Variants in TRMT11 observed in about 807,000 individuals in gnomAD.
TRMT11 encodes tRNA (guanine(10)-N(2))-methyltransferase TRMT11.
Under a neutral mutation model 62.8 loss-of-function variants are expected in TRMT11, and 53 were observed. That is an observed-to-expected ratio of 0.84 (90% CI 0.68 to 1.06). TRMT11 has a LOEUF of 1.06. Among genes scored for constraint, TRMT11 ranks in the 50% least tolerant of loss-of-function variants. The pLI, the probability that TRMT11 is intolerant of heterozygous loss-of-function variation, is 0.00. For missense variants in TRMT11, 556 were observed against 553.4 expected (o/e 1.00, Z -0.05); for synonymous variants, 188 against 190.3 (o/e 0.99, Z 0.10).
At chr6:126,034,397 A>G (rs1774787894) in intron 12 of TRMT11, among the ~76,000 whole-genome samples, 3 of 152,114 alleles carry the variant, frequency 2.0e-5, no homozygotes, top group Admixed American at 6.6e-5. Flanking sequence ...AATGTTTACA[A>G]TTGCTGATTG....
chr6:126,037,967 A>G (rs1303330767), intron 12 of TRMT11, among the ~76,000 whole-genome samples: 2 of 152,042 alleles, frequency 1.3e-5, no homozygotes, highest in African/African-American at 4.8e-5. Flanking sequence ...TGGGAAATGA[A>G]ATTTTATGTC....
chr6:126,161,015 CTG>C (rs1045491918), intron 21 of TRMT11, among the ~76,000 whole-genome samples: 2 of 152,146 alleles, frequency 1.3e-5, no homozygotes, highest in Non-Finnish European at 2.9e-5. Flanking sequence ...AAAACTTAAT[CTG>C]TGGCACACAT....
intron 17 of TRMT11, among the ~76,000 whole-genome samples, chr6:126,086,981 C>T (rs1777223595): frequency 6.6e-6 from 1 of 152,110 alleles, no homozygotes; most frequent in South Asian, 2.1e-4. Flanking sequence ...TTATATTTTT[C>T]TACTGCTTTC....
chr6:126,148,957 T>C (rs879755379), intron 21 of TRMT11, among the ~76,000 whole-genome samples: 1 of 152,248 alleles, frequency 6.6e-6, no homozygotes, highest in African/African-American at 2.4e-5. Context: ...TACAGACAGA[T>C]GCTATAAACT....
intron 21 of TRMT11, among the ~76,000 whole-genome samples, chr6:126,147,520 A>G (rs1353529076): frequency 1.3e-5 from 2 of 152,204 alleles, no homozygotes; most frequent in Admixed American, 6.5e-5. Context: ...CATTCCACGA[A>G]CCAGGAAACA....
chr6:126,006,184 C>T (rs115641936), intron 7 of TRMT11, among the ~76,000 whole-genome samples: 1 of 151,890 alleles, frequency 6.6e-6, no homozygotes, highest in African/African-American at 2.4e-5. Flanking sequence ...TAGTAGGAGT[C>T]CCATTGTCTA....
intron 21 of TRMT11, among the ~76,000 whole-genome samples, chr6:126,141,472 T>C (rs1187913585): frequency 6.6e-6 from 1 of 152,152 alleles, no homozygotes; most frequent in African/African-American, 2.4e-5. Flanking sequence ...CATTCAAGCA[T>C]GAATATATAG....
chr6:126,020,350 C>G (rs1795639785), intron 11 of TRMT11, among the ~76,000 whole-genome samples: 1 of 152,194 alleles, frequency 6.6e-6, no homozygotes, highest in Non-Finnish European at 1.5e-5. Flanking sequence ...GCTGTTCTTT[C>G]ACATTCTGTT....
At chr6:126,023,419 G>A (rs908485595) in intron 12 of TRMT11, among the ~76,000 whole-genome samples, 1 of 152,182 alleles carries the variant, frequency 6.6e-6, no homozygotes, top group Non-Finnish European at 1.5e-5. Flanking sequence ...GGAGGCCGAG[G>A]TGGGCAGATC....
rs114745464 is a variant in TRMT11 at position 126,123,602 on chromosome 6, G to C, written c.*1823+7747G>C. Among the ~76,000 whole-genome samples the C allele has an allele frequency of 6.6e-5, 10 of 152,020 alleles. 1 individual carries two copies. The highest frequency in any genetic ancestry group is 5.8e-4 in the East Asian group (3 of 5,160). On this transcript the variant is annotated intron_variant and NMD_transcript_variant, in intron 21 of 22. Transcript: ENST00000648977. The stretch of plus-strand genomic sequence containing the variant: ...TAGTGGACTATCTCTGTTTTCAGAT[G>C]TAATTCCTACCTCTATTTGCAACAT...
At chr6:126,184,136 T>A (rs1778500105) in intron 1 of TRMT11, among the ~76,000 whole-genome samples, 1 of 152,180 alleles carries the variant, frequency 6.6e-6, no homozygotes, top group South Asian at 2.1e-4. Flanking sequence ...AATATGAGAC[T>A]CAGAACTGTG....
chr6:126,262,121 T>C, the TRMT11 span, among the ~76,000 whole-genome samples: 1 of 152,206 alleles, frequency 6.6e-6, no homozygotes. Context: ...TGCAGCAGTA[T>C]GTGTGCAAGG....
chr6:126,267,861 C>T, the TRMT11 span, among the ~76,000 whole-genome samples: 2 of 152,102 alleles, frequency 1.3e-5, no homozygotes, highest in Non-Finnish European at 2.9e-5. Flanking sequence ...TAAGGGTTTC[C>T]TGACTGGCCC....
At chr6:126,132,425 C>T (rs1046238077) in intron 21 of TRMT11, among the ~76,000 whole-genome samples, 2 of 152,056 alleles carry the variant, frequency 1.3e-5, no homozygotes, top group South Asian at 2.1e-4. Flanking sequence ...TGGTGTTTCT[C>T]CTGTTGACCT....
At chr6:126,116,232 T>A (rs562636965) in intron 21 of TRMT11, among the ~76,000 whole-genome samples, 4 of 151,658 alleles carry the variant, frequency 2.6e-5, no homozygotes, top group Admixed American at 1.3e-4. Context: ...GCAATGGGAG[T>A]GTGCTGGAAG....
chr6:126,247,490 TAAA>T, the TRMT11 span, among the ~76,000 whole-genome samples: 1 of 145,190 alleles, frequency 6.9e-6, no homozygotes, highest in African/African-American at 2.5e-5. Context: ...TCTATCTATC[TAAA>T]ATACCTATCT....
chr6:126,261,421 A>C, the TRMT11 span, among the ~76,000 whole-genome samples: 1 of 151,916 alleles, frequency 6.6e-6, no homozygotes, highest in South Asian at 2.1e-4. Context: ...GCATTTTGTT[A>C]ATATCCTTTT....
intron 1 of TRMT11, among the ~76,000 whole-genome samples, chr6:125,991,902 A>G (rs1583624263): frequency 6.6e-6 from 1 of 152,202 alleles, no homozygotes; most frequent in East Asian, 1.9e-4. Flanking sequence ...TCCTGAAGCA[A>G]CCTTTTAAAT....
intron 17 of TRMT11, among the ~76,000 whole-genome samples, chr6:126,100,749 TGCTTTAC>T (rs1345541344): frequency 2.4e-4 from 37 of 152,356 alleles, no homozygotes; most frequent in Non-Finnish European, 4.1e-4. Context: ...ATGATTCAAG[TGCTTTAC>T]ATTTATTGCA....
Sources: gnomAD v4.1 joint callset for allele counts (sites outside exome capture counted in the v4.1 genomes callset) on GRCh38, gnomAD v4.1.1 for gene constraint, MANE v1.5 for transcripts, NCBI Gene and HGNC (gene_info 2026-07-23, HGNC 2026-07-21) for gene names.